PDE3B: variants seen among roughly 807,000 people sequenced by gnomAD.
PDE3B encodes the protein cGMP-inhibited 3',5'-cyclic phosphodiesterase 3B.
PDE3B carries 66 observed loss-of-function variants against 116.8 expected under a neutral mutation model. The observed-to-expected ratio is 0.56, with a 90% CI of 0.46 to 0.69. PDE3B has a LOEUF of 0.69. Ranked by LOEUF, PDE3B falls within the 30% of genes least tolerant of loss-of-function variation. PDE3B has a pLI of 0.00. For missense variants in PDE3B, 1,384 were observed against 1,368.1 expected, an observed-to-expected ratio of 1.01 and a Z score of -0.18; for synonymous variants, 595 against 533.6, an observed-to-expected ratio of 1.12 and a Z score of -1.59.
intron 7 of PDE3B, among the ~76,000 whole-genome samples, chr11:14,823,523 G>A (rs577157442): frequency 6.6e-6 from 1 of 152,128 alleles, no homozygotes; most frequent in East Asian, 1.9e-4. Flanking sequence ...TAAAGAAGTG[G>A]CCAGACTGCT....
chr11:14,880,659 C>G, the PDE3B span: 1 of 1,597,600 alleles, frequency 6.3e-7, no homozygotes, highest in East Asian at 2.2e-5. Flanking sequence ...TGGTTTCTTC[C>G]AAGATTTTAG....
chr11:14,849,267 G>A (rs1244728175), intron 12 of PDE3B, among the ~76,000 whole-genome samples: 2 of 151,884 alleles, frequency 1.3e-5, no homozygotes. Flanking sequence ...ATGGTGCTGG[G>A]AAAACTGGCT....
intron 1 of PDE3B, among the ~76,000 whole-genome samples, chr11:14,713,389 T>TTC (rs1855765076): frequency 6.6e-6 from 1 of 152,134 alleles, no homozygotes; most frequent in Non-Finnish European, 1.5e-5. Context: ...GATAGATGGA[T>TTC]TATGAGTAGA....
At chr11:14,856,797 T>A (rs1847859440) in intron 12 of PDE3B, among the ~76,000 whole-genome samples, 2 of 149,336 alleles carry the variant, frequency 1.3e-5, no homozygotes, top group African/African-American at 5.0e-5. Context: ...GAGCTTGCAG[T>A]GAGCTGAGAT....
intron 1 of PDE3B, among the ~76,000 whole-genome samples, chr11:14,733,314 C>T (rs1020934131): frequency 2.0e-5 from 3 of 152,066 alleles, no homozygotes; most frequent in East Asian, 1.9e-4. Flanking sequence ...CAATAAGCTC[C>T]GATTCTTATT....
At chr11:14,866,994 G>A (rs1848058686) in intron 14 of PDE3B, among the ~76,000 whole-genome samples, 1 of 151,238 alleles carries the variant, frequency 6.6e-6, no homozygotes, top group Non-Finnish European at 1.5e-5. Context: ...CACCTCAATC[G>A]TGGTAGCTCT....
At chr11:14,804,792 C>G (rs1440524999) in intron 5 of PDE3B, among the ~76,000 whole-genome samples, 1 of 151,644 alleles carries the variant, frequency 6.6e-6, no homozygotes, top group Non-Finnish European at 1.5e-5. Context: ...GGAATAATGG[C>G]CAAAATGAAT....
chr11:14,736,656 A>T (rs968999980), intron 1 of PDE3B, among the ~76,000 whole-genome samples: 1 of 152,212 alleles, frequency 6.6e-6, no homozygotes, highest in African/African-American at 2.4e-5. Flanking sequence ...ATAACTTACA[A>T]AGGAGATTAG....
chr11:14,805,871 G>A (rs902320901), intron 5 of PDE3B, among the ~76,000 whole-genome samples: 14 of 152,198 alleles, frequency 9.2e-5, no homozygotes, highest in African/African-American at 3.1e-4. Flanking sequence ...CATTTATGCA[G>A]CCAACAGACA....
chr11:14,887,816 T>TGG, the PDE3B span: 1 of 158,382 alleles, frequency 6.3e-6, no homozygotes, highest in Non-Finnish European at 1.4e-5. Flanking sequence ...GCTCAGCAGT[T>TGG]ATGCTGTTTC....
At chr11:14,804,392 G>GA (rs1176432693) in intron 5 of PDE3B, among the ~76,000 whole-genome samples, 1 of 150,970 alleles carries the variant, frequency 6.6e-6, no homozygotes, top group Non-Finnish European at 1.5e-5. Flanking sequence ...TAATTGTGGA[G>GA]AAAAAAATTT....
chr11:14,707,524 C>A (rs1855568779), intron 1 of PDE3B, among the ~76,000 whole-genome samples: 2 of 151,774 alleles, frequency 1.3e-5, no homozygotes, highest in South Asian at 2.1e-4. Context: ...AGGAAACAGG[C>A]AAAATATCCT....
At chr11:14,819,786 A>G (rs1243215687) in intron 7 of PDE3B, among the ~76,000 whole-genome samples, 2 of 152,194 alleles carry the variant, frequency 1.3e-5, no homozygotes, top group South Asian at 2.1e-4. Context: ...AACTAAAAAA[A>G]TCTTATGAAT....
At chr11:14,848,932 A>T (rs577986747) in intron 12 of PDE3B, among the ~76,000 whole-genome samples, 2 of 152,220 alleles carry the variant, frequency 1.3e-5, no homozygotes, top group African/African-American at 2.4e-5. Context: ...TATAGATTCA[A>T]TGCCATCCCC....
At chr11:14,787,806 CTA>C (rs1858259546) in intron 3 of PDE3B, among the ~76,000 whole-genome samples, 1 of 151,678 alleles carries the variant, frequency 6.6e-6, no homozygotes, top group Non-Finnish European at 1.5e-5. Context: ...TAAAATAACT[CTA>C]ATGTATTCTT....
chr11:14,772,206 A>G, intron 2 of PDE3B: 1 of 246,434 alleles, frequency 4.1e-6, no homozygotes, highest in Non-Finnish European at 7.7e-6. Context: ...GATAAAAACA[A>G]AATTTATATA....
intron 1 of PDE3B, among the ~76,000 whole-genome samples, chr11:14,653,315 C>T (rs1375382479): frequency 2.6e-5 from 4 of 152,146 alleles, no homozygotes; most frequent in Non-Finnish European, 5.9e-5. Context: ...TTCAGATTCT[C>T]CAAGGCCTCA....
intron 1 of PDE3B, among the ~76,000 whole-genome samples, chr11:14,704,725 A>G (rs1256281273): frequency 6.6e-6 from 1 of 151,712 alleles, no homozygotes; most frequent in Non-Finnish European, 1.5e-5. Context: ...ACTGACTCTT[A>G]CCTCACATCA....
intron 1 of PDE3B, among the ~76,000 whole-genome samples, chr11:14,662,684 GA>G (rs1565078688): frequency 6.6e-6 from 1 of 152,206 alleles, no homozygotes; most frequent in African/African-American, 2.4e-5. Context: ...GAGCTGATGC[GA>G]TCAACTGGAA....
Sources: allele counts gnomAD v4.1 joint callset (sites outside exome capture counted in the v4.1 genomes callset), GRCh38; gene constraint gnomAD v4.1.1; transcripts MANE v1.5; gene names NCBI Gene and HGNC (gene_info 2026-07-23, HGNC 2026-07-21).